CYSLTR1: variants seen among roughly 807,000 people sequenced by gnomAD.
The protein encoded by CYSLTR1 is cysteinyl leukotriene receptor 1.
CYSLTR1 carries 1 observed loss-of-function variant against 2.1 expected under a neutral mutation model. The ratio of observed to expected loss-of-function variants is 0.48; its 90% confidence interval spans 0.17 to 2.28. The LOEUF (loss-of-function observed/expected upper bound fraction) is 2.28. Ranked by LOEUF, CYSLTR1 falls within the 30% of genes most tolerant of loss-of-function variation. CYSLTR1 has a pLI of 0.26. For synonymous variants in CYSLTR1, 110 were observed against 89.6 expected, an observed-to-expected ratio of 1.23 and a Z score of -1.28; for missense variants, 299 against 250.1, an observed-to-expected ratio of 1.20 and a Z score of -1.32.
At chrX:78,297,656 A>T (rs187145314) in intron 1 of CYSLTR1, among the ~76,000 whole-genome samples, 1 of 111,458 alleles carries the variant, frequency 9.0e-6, no homozygotes, top group Middle Eastern at 4.2e-3. Flanking sequence ...TGGATTTTCC[A>T]ATTTCATGAC....
Position 78,273,090 on chromosome X carries a change from T to C in CYSLTR1, c.657A>G (p.Lys219=). ...GACTTGACAGATTTTTTTTCATTGATTTTTTTAGTAAGGTCAAAATGATCA... is the reference window on the plus strand; with the variant it reads ...GACTTGACAGATTTTTTTTCATTGACTTTTTTAGTAAGGTCAAAATGATCA... ...YTMIILTLLK[K]SMKKNLSSHK... The change falls in exon 3 of 3, where the codon AAA becomes AAG. Residue 219 remains lysine, a synonymous_variant. Coordinates refer to ENST00000373304, the MANE Select transcript of CYSLTR1 (RefSeq NM_006639.4). 1 of 1,209,292 alleles carries C rather than the reference T, an allele frequency of 8.3e-7. No individual in the cohort carries two copies. The highest frequency in any genetic ancestry group is 1.1e-6 in the Non-Finnish European group (1 of 893,932).
At chrX:78,305,569 T>C (rs1333186967) in intron 1 of CYSLTR1, among the ~76,000 whole-genome samples, 1 of 112,195 alleles carries the variant, frequency 8.9e-6, no homozygotes, top group African/African-American at 3.2e-5. Context: ...AAAATGGATA[T>C]TTCATTGCTT....
chrX:78,291,898 T>A (rs1448838970), intron 1 of CYSLTR1, among the ~76,000 whole-genome samples: 2 of 47,448 alleles, frequency 4.2e-5, no homozygotes, highest in Non-Finnish European at 1.1e-4. Flanking sequence ...ATTTTGTTGA[T>A]CTTTTCAAAA....
At chrX:78,303,960 TAA>T (rs1922929279) in intron 1 of CYSLTR1, among the ~76,000 whole-genome samples, 1 of 111,813 alleles carries the variant, frequency 8.9e-6, no homozygotes, top group African/African-American at 3.3e-5. Flanking sequence ...AGCTGTAGGA[TAA>T]GAGATTTATA....
At chrX:78,296,382 T>C (rs1445584325) in intron 1 of CYSLTR1, among the ~76,000 whole-genome samples, 1 of 111,932 alleles carries the variant, frequency 8.9e-6, no homozygotes, top group Non-Finnish European at 1.9e-5. Context: ...CTATTCTGGG[T>C]CTGTTGTGTT....
chrX:78,302,425 G>A (rs767252022), intron 1 of CYSLTR1, among the ~76,000 whole-genome samples: 83 of 111,367 alleles, frequency 7.5e-4, no homozygotes, highest in Non-Finnish European at 1.2e-3. Context: ...GGCTGAGCTG[G>A]TACCTGAGGT....
chrX:78,280,525 TG>T (rs377272877), intron 2 of CYSLTR1, among the ~76,000 whole-genome samples: 1,772 of 95,087 alleles, frequency 0.019, 22 homozygotes, highest in African/African-American at 0.05. Context: ...GTGTGTGTGT[TG>T]GGGGGGGGGT....
At chrX:78,294,021 T>C (rs1177816187) in intron 1 of CYSLTR1, among the ~76,000 whole-genome samples, 1 of 112,537 alleles carries the variant, frequency 8.9e-6, no homozygotes, top group East Asian at 2.8e-4. Flanking sequence ...CTTTGTTCCA[T>C]TGCTGGTGAG....
intron 1 of CYSLTR1, among the ~76,000 whole-genome samples, chrX:78,326,508 G>A (rs1923865149): frequency 8.9e-6 from 1 of 111,819 alleles, no homozygotes; most frequent in Non-Finnish European, 1.9e-5. Context: ...TCAGTAGGTG[G>A]AACTTACAAA....
At chrX:78,307,917 A>G (rs1424016479) in intron 1 of CYSLTR1, among the ~76,000 whole-genome samples, 3 of 111,673 alleles carry the variant, frequency 2.7e-5, no homozygotes, top group African/African-American at 6.5e-5. Flanking sequence ...GCTCCAAACA[A>G]AAAGAGTTTA....
intron 1 of CYSLTR1, among the ~76,000 whole-genome samples, chrX:78,286,079 A>G (rs1922058777): frequency 8.9e-6 from 1 of 111,883 alleles, no homozygotes; most frequent in African/African-American, 3.3e-5. Flanking sequence ...CTTTTTCTGC[A>G]TCAGCCCTTA....
At chrX:78,305,652 C>G (rs757584369) in intron 1 of CYSLTR1, among the ~76,000 whole-genome samples, 2 of 112,372 alleles carry the variant, frequency 1.8e-5, no homozygotes, top group African/African-American at 6.5e-5. Context: ...TCCCAGCAGC[C>G]CCTGGCAAAT....
intron 1 of CYSLTR1, among the ~76,000 whole-genome samples, chrX:78,285,916 G>T (rs979280229): frequency 4.5e-5 from 5 of 111,840 alleles, no homozygotes; most frequent in Non-Finnish European, 9.4e-5. Flanking sequence ...GAGGGTAAAG[G>T]TGAGTTAATG....
chrX:78,299,009 C>T lies in CYSLTR1; in HGVS notation c.-114-15469G>A, dbSNP rs906785663. Among the ~76,000 whole-genome samples the T allele has an allele frequency of 9.0e-5, 10 of 110,706 alleles. No homozygotes were observed. In the Admixed American group the frequency reaches 9.6e-4, roughly 11 times the overall value. ...ATTTTTGCTGGTGATATGATTGTTT[C>T]TTGCTTATTATTTTTTGTGCATCCA... On this transcript the variant is annotated intron_variant, in intron 1 of 2. Transcript: ENST00000373304.
At chrX:78,297,393 T>C (rs5959142) in intron 1 of CYSLTR1, among the ~76,000 whole-genome samples, 7,525 of 111,395 alleles carry the variant, frequency 0.068, 654 homozygotes, top group African/African-American at 0.23. Context: ...AAGGTAATAC[T>C]GGCCTCTTAG....
intron 1 of CYSLTR1, among the ~76,000 whole-genome samples, chrX:78,326,376 T>C (rs1458003339): frequency 8.9e-6 from 1 of 112,094 alleles, no homozygotes; most frequent in Non-Finnish European, 1.9e-5. Flanking sequence ...TAAAACAGTG[T>C]ACAATCTAGT....
intron 1 of CYSLTR1, among the ~76,000 whole-genome samples, chrX:78,296,180 G>T (rs961866414): frequency 9.0e-6 from 1 of 111,495 alleles, no homozygotes. Context: ...TATGTTCTTG[G>T]CAACTTTGTT....
In CYSLTR1 at chrX:78,273,036, G is replaced by A. The variant is rs1269052746; in HGVS notation, c.711C>T (p.Val237=). ...AACTGACTAAAAAGGCAGCGGTCAC[G>A]ACCATGATCATTCCTATAGCCTTTT... ...SHKKAIGMIM[V]VTAAFLVSFM... The change falls in exon 3 of 3, where the codon GTC becomes GTT. Residue 237 remains valine, a synonymous_variant. Transcript: ENST00000373304. 4 of 1,211,444 alleles carry A rather than the reference G, an allele frequency of 3.3e-6. No homozygotes were observed. The highest frequency in any genetic ancestry group is 2.3e-4 in the Middle Eastern group (1 of 4,350).
intron 2 of CYSLTR1, among the ~76,000 whole-genome samples, chrX:78,275,680 T>C (rs1921557440): frequency 9.0e-6 from 1 of 111,138 alleles, no homozygotes; most frequent in South Asian, 3.8e-4. Flanking sequence ...TGTATACATA[T>C]GTAACAAACT....
Sources: gnomAD v4.1 joint callset for allele counts (sites outside exome capture counted in the v4.1 genomes callset) on GRCh38, gnomAD v4.1.1 for gene constraint, MANE v1.5 for transcripts, NCBI Gene and HGNC (gene_info 2026-07-23, HGNC 2026-07-21) for gene names.